Variants in AGPAT5 observed in about 807,000 individuals in gnomAD.
The protein encoded by AGPAT5 is 1-acyl-sn-glycerol-3-phosphate acyltransferase epsilon.
A neutral mutation model predicts 45.6 loss-of-function variants in AGPAT5; 46 were observed. The ratio of observed to expected loss-of-function variants is 1.01; its 90% CI spans 0.80 to 1.29. The LOEUF (loss-of-function observed/expected upper bound fraction) is 1.29, where lower values mean the gene tolerates loss of function less well. Among genes scored for constraint, AGPAT5 ranks in the 50% most tolerant of loss-of-function variants. The probability of loss-of-function intolerance (pLI) is 0.00; values close to 1 mark genes in which losing one functional copy is unlikely to be tolerated. For synonymous variants in AGPAT5, 272 were observed against 167.0 expected (o/e 1.63, Z -4.85); for missense variants, 673 against 450.7 (o/e 1.49, Z -4.47).
At chr8:6,723,387 G>C (rs150099759) in intron 1 of AGPAT5, among the ~76,000 whole-genome samples, 67 of 152,292 alleles carry the variant, frequency 4.4e-4, no homozygotes, top group African/African-American at 1.5e-3. Flanking sequence ...GGGTCTGGCT[G>C]TGCTGCCCAT....
chr8:6,708,693 A>G lies in AGPAT5; in HGVS notation c.25A>G (p.Thr9Ala), dbSNP rs749585511. 1.2e-6 allele frequency: 2 copies of G among 1,603,430 alleles called. No individual in the cohort carries two copies. The highest frequency in any genetic ancestry group is 1.7e-5 in the Admixed American group (1 of 59,876). The change falls in exon 1 of 8, where the codon ACG (threonine) becomes GCG (alanine). Residue 9 changes from threonine to alanine, a missense_variant. Thr to Ala is a moderately conservative substitution (Grantham distance 58). Coordinates refer to ENST00000285518, the MANE Select transcript of AGPAT5 (RefSeq NM_018361.5). ...GATGCTGCTGTCCCTGGTGCTCCAC[A>G]CGTACTCCATGCGCTACCTGCTGCC... is the stretch of plus-strand genomic sequence containing the variant. MLLSLVLHTYSMRYLLPSV... is the reference protein window; with the variant it reads MLLSLVLHAYSMRYLLPSV...
At chr8:6,734,855 A>G (rs1444031724) in intron 4 of AGPAT5, among the ~76,000 whole-genome samples, 1 of 152,036 alleles carries the variant, frequency 6.6e-6, no homozygotes, top group African/African-American at 2.4e-5. Flanking sequence ...AGGTTTCTGT[A>G]GAACTCATTA....
chr8:6,716,138 A>G (rs1454557561), intron 1 of AGPAT5, among the ~76,000 whole-genome samples: 1 of 152,196 alleles, frequency 6.6e-6, no homozygotes, highest in Non-Finnish European at 1.5e-5. Flanking sequence ...TAATATTAAC[A>G]TATATAATAC....
At chr8:6,757,064 T>A in intron 7 of AGPAT5, 99 bp from the exon 8 acceptor site, 1 of 835,132 alleles carries the variant, frequency 1.2e-6, no homozygotes, top group Non-Finnish European at 1.9e-6. Context: ...TCCAGGGACC[T>A]GCATAACTTT....
chr8:6,719,365 G>A (rs186586840), intron 1 of AGPAT5, among the ~76,000 whole-genome samples: 3 of 152,284 alleles, frequency 2.0e-5, no homozygotes, highest in Admixed American at 6.5e-5. Context: ...AGCCATTGAC[G>A]TGGAAATTAA....
In AGPAT5 at chr8:6,714,072, C is replaced by G. The variant is rs141693372; in HGVS notation, c.219+5185C>G. Among the ~76,000 whole-genome samples the G allele has an allele frequency of 2.2e-3, 332 of 152,288 alleles. 1 individual carries two copies. The Middle Eastern group carries it at 0.024, about 11-fold the overall frequency. On this transcript the variant is annotated intron_variant, in intron 1 of 7. Coordinates refer to ENST00000285518, the MANE Select transcript of AGPAT5 (RefSeq NM_018361.5). Reference sequence around the variant, plus strand: ...GAGCTTATAAGTCATCTAGTCTACTCCCTTTTATGACACTTCTACATTCTT... The same window carrying G: ...GAGCTTATAAGTCATCTAGTCTACTGCCTTTTATGACACTTCTACATTCTT...
chr8:6,739,564 C>G (rs1400180559), intron 4 of AGPAT5, among the ~76,000 whole-genome samples: 1 of 152,000 alleles, frequency 6.6e-6, no homozygotes, highest in Non-Finnish European at 1.5e-5. Context: ...AAAAAAATTT[C>G]AAGTTTTTGT....
intron 5 of AGPAT5, among the ~76,000 whole-genome samples, chr8:6,743,453 C>T (rs947324855): frequency 2.0e-5 from 3 of 152,206 alleles, no homozygotes; most frequent in African/African-American, 7.2e-5. Context: ...CATGCATACA[C>T]TCATATTTCT....
chr8:6,709,972 T>C (rs540343451), intron 1 of AGPAT5, among the ~76,000 whole-genome samples: 1 of 152,180 alleles, frequency 6.6e-6, no homozygotes, highest in Non-Finnish European at 1.5e-5. Context: ...ATTTAAAAAT[T>C]TCAATAATTC....
intron 7 of AGPAT5, among the ~76,000 whole-genome samples, chr8:6,755,780 A>T (rs1266237131): frequency 3.9e-5 from 6 of 152,212 alleles, no homozygotes; most frequent in African/African-American, 1.4e-4. Context: ...AGTGTTTTTA[A>T]TTAACCCTCC....
chr8:6,749,830 A>G (rs993508193), intron 6 of AGPAT5, among the ~76,000 whole-genome samples: 4 of 152,236 alleles, frequency 2.6e-5, no homozygotes, highest in Admixed American at 1.3e-4. Flanking sequence ...TACTTTTATC[A>G]TGTCCCCTCC....
chr8:6,708,682 T>C lies in AGPAT5; in HGVS notation c.14T>C (p.Leu5Pro). ...CGAGCTGAGAAGATGCTGCTGTCCC[T>C]GGTGCTCCACACGTACTCCATGCGC... MLLS[L>P]VLHTYSMRYL... The change falls in exon 1 of 8, where the codon CTG (leucine) becomes CCG (proline). Residue 5 changes from leucine to proline, a missense_variant. By Grantham distance (98) the Leu-to-Pro change is moderately conservative (BLOSUM62 -3). Transcript: ENST00000285518. The C allele has an allele frequency of 6.3e-7, 1 of 1,598,726 alleles. No individual in the cohort carries two copies.
intron 5 of AGPAT5, among the ~76,000 whole-genome samples, chr8:6,743,456 A>G (rs1244120479): frequency 6.6e-6 from 1 of 152,184 alleles, no homozygotes. Context: ...GCATACACTC[A>G]TATTTCTTGT....
At position 6,708,822 on chromosome 8, in the gene AGPAT5, G is replaced by T. The variant is rs1052554515; in HGVS notation, c.154G>T (p.Asp52Tyr). ...LPARFYQALD[D>Y]RLYCVYQSMV... ...CGCCCGCTTCTACCAAGCGCTGGACGACCGGCTCTACTGCGTCTACCAGAG... is the reference window on the plus strand; with the variant it reads ...CGCCCGCTTCTACCAAGCGCTGGACTACCGGCTCTACTGCGTCTACCAGAG... The change falls in exon 1 of 8, where the codon GAC (aspartate) becomes TAC (tyrosine). Residue 52 changes from aspartate to tyrosine, a missense_variant. Coordinates refer to ENST00000285518, the MANE Select transcript of AGPAT5 (RefSeq NM_018361.5). 2 of 1,611,740 alleles carry T rather than the reference G, an allele frequency of 1.2e-6. No homozygotes were observed. Among genetic ancestry groups the T allele is most frequent in the South Asian group, 1.1e-5 (1 of 91,008 alleles).
chr8:6,751,713 T>A (rs1030012936), intron 6 of AGPAT5, among the ~76,000 whole-genome samples: 5 of 146,256 alleles, frequency 3.4e-5, no homozygotes, highest in African/African-American at 5.0e-5. Flanking sequence ...TTACTATTGA[T>A]TTTTTTTTAA....
intron 6 of AGPAT5, among the ~76,000 whole-genome samples, chr8:6,753,981 GA>G (rs1286715466): frequency 6.6e-6 from 1 of 152,184 alleles, no homozygotes; most frequent in Non-Finnish European, 1.5e-5. Context: ...GTCTTCCTCG[GA>G]CGGTGGAGTG....
chr8:6,727,462 A>G (rs1587017870), intron 2 of AGPAT5, among the ~76,000 whole-genome samples: 1 of 151,488 alleles, frequency 6.6e-6, no homozygotes, highest in African/African-American at 2.4e-5. Context: ...GCTCACTGCA[A>G]CCTTTGCCTC....
At chr8:6,753,949 G>T (rs1158942430) in intron 6 of AGPAT5, among the ~76,000 whole-genome samples, 1 of 152,154 alleles carries the variant, frequency 6.6e-6, no homozygotes, top group South Asian at 2.1e-4. Flanking sequence ...GGAAGTGTGT[G>T]GGGTTGAAGG....
rs569522328 is a variant in AGPAT5 at position 6,749,168 on chromosome 8, C to G, written c.745+1340C>G. On this transcript the variant is annotated intron_variant, in intron 6 of 7. Transcript: ENST00000285518. ...AGATTATAGTTGTCAAATGATTAGTCTGTTAAATAATGATAAGATGAGGGT... is the reference window on the plus strand; with the variant it reads ...AGATTATAGTTGTCAAATGATTAGTGTGTTAAATAATGATAAGATGAGGGT... Among the ~76,000 whole-genome samples the G allele has an allele frequency of 2.0e-5, 3 of 152,166 alleles. No homozygotes were observed. In the South Asian group the frequency reaches 6.2e-4, roughly 32 times the overall value.
Sources: gnomAD v4.1 joint callset for allele counts (sites outside exome capture counted in the v4.1 genomes callset) on GRCh38, gnomAD v4.1.1 for gene constraint, MANE v1.5 for transcripts, NCBI Gene and HGNC (gene_info 2026-07-23, HGNC 2026-07-21) for gene names.